The following RGS7 variants were observed in gnomAD, a reference collection of about 807,000 sequenced individuals.
The protein encoded by RGS7 is regulator of G-protein signaling 7.
In RGS7, 27 loss-of-function variants were observed where a neutral mutation model predicts 81.1. That is an observed-to-expected ratio of 0.33 (90% CI 0.25 to 0.46). RGS7 has a LOEUF of 0.46. Among genes scored for constraint, RGS7 ranks in the 20% least tolerant of loss-of-function variants. The probability of loss-of-function intolerance (pLI) is 1.00; values close to 1 mark genes in which losing one functional copy is unlikely to be tolerated. For missense variants in RGS7, 396 were observed against 607.4 expected, an observed-to-expected ratio of 0.65 and a Z score of 3.66; for synonymous variants, 208 against 207.7, an observed-to-expected ratio of 1.00 and a Z score of -0.01.
At chr1:241,342,246 A>T (rs953164269) in intron 2 of RGS7, among the ~76,000 whole-genome samples, 1 of 152,118 alleles carries the variant, frequency 6.6e-6, no homozygotes, top group Non-Finnish European at 1.5e-5. Context: ...AGAAAGAGCG[A>T]ATATCATAAA....
intron 2 of RGS7, among the ~76,000 whole-genome samples, chr1:241,166,240 G>A (rs559570043): frequency 3.9e-4 from 59 of 152,332 alleles, no homozygotes; most frequent in African/African-American, 1.4e-3. Flanking sequence ...AACAGGATGA[G>A]TGGGGAAAAC....
intron 3 of RGS7, among the ~76,000 whole-genome samples, chr1:241,026,148 A>C (rs1211009240): frequency 6.6e-6 from 1 of 152,244 alleles, no homozygotes; most frequent in Admixed American, 6.5e-5. Flanking sequence ...CTGCATGGTC[A>C]GCAACTACAC....
At chr1:241,265,855 C>T (rs909742479) in intron 2 of RGS7, among the ~76,000 whole-genome samples, 8 of 143,396 alleles carry the variant, frequency 5.6e-5, no homozygotes, top group Non-Finnish European at 1.0e-4. Flanking sequence ...AATGCAACGG[C>T]GCAATCTCGG....
At chr1:241,068,257 T>TATATATATATATATATATATATATATA in intron 3 of RGS7, among the ~76,000 whole-genome samples, 1 of 73,278 alleles carries the variant, frequency 1.4e-5, no homozygotes. Context: ...TATATATATA[T>TATATATATATATATATATATATATATA]AAAATATTGT....
chr1:241,190,337 A>AAT (rs915957195), intron 2 of RGS7, among the ~76,000 whole-genome samples: 2 of 152,128 alleles, frequency 1.3e-5, no homozygotes, highest in African/African-American at 4.8e-5. Context: ...TGAATTTTAA[A>AAT]ATAATCTCAA....
intron 2 of RGS7, among the ~76,000 whole-genome samples, chr1:241,177,164 G>A (rs2071215334): frequency 6.6e-6 from 1 of 152,160 alleles, no homozygotes; most frequent in Non-Finnish European, 1.5e-5. Context: ...AAATGTCTGT[G>A]AAAGTAAAAT....
At chr1:240,792,379 T>C (rs943965425) in intron 18 of RGS7, among the ~76,000 whole-genome samples, 24 of 152,182 alleles carry the variant, frequency 1.6e-4, no homozygotes, top group African/African-American at 5.8e-4. Context: ...ATCTCTAGAT[T>C]CTCCTAGCTT....
chr1:241,053,040 C>T (rs913905300), intron 3 of RGS7, among the ~76,000 whole-genome samples: 1 of 152,038 alleles, frequency 6.6e-6, no homozygotes, highest in African/African-American at 2.4e-5. Context: ...AATCCCTTAT[C>T]CTAAAGCAAT....
chr1:241,103,269 G>A (rs574650858), intron 2 of RGS7, among the ~76,000 whole-genome samples: 1 of 152,168 alleles, frequency 6.6e-6, no homozygotes, highest in East Asian at 1.9e-4. Context: ...TCATTAAAAT[G>A]CCATTGAGTT....
chr1:241,297,178 A>G (rs1915865), intron 2 of RGS7, among the ~76,000 whole-genome samples: 110,651 of 151,932 alleles, frequency 0.73, 41,448 homozygotes, highest in East Asian at 0.98. Context: ...CTGTATCCCC[A>G]GAACTTAAAT....
intron 2 of RGS7, among the ~76,000 whole-genome samples, chr1:241,316,136 C>T (rs943875778): frequency 1.3e-5 from 2 of 152,200 alleles, no homozygotes; most frequent in African/African-American, 4.8e-5. Context: ...TGAGCAGACA[C>T]TAGCTGTCCT....
rs530460276 is a variant in RGS7, at chr1:241,179,602, A to G, written c.79-80840T>C. On this transcript the variant is annotated intron_variant, in intron 2 of 18. Transcript: ENST00000440928. ...CATATTTAGTCCCCACAAGCTCATG[A>G]TTAATTACTGCACAGATTCGGATGG... Among the ~76,000 whole-genome samples the G allele has an allele frequency of 2.0e-5, 3 of 152,170 alleles. No homozygotes were observed. In the South Asian group the frequency reaches 6.2e-4, roughly 32 times the overall value.
intron 9 of RGS7, among the ~76,000 whole-genome samples, chr1:240,843,513 GC>G (rs758489697): frequency 1.3e-5 from 2 of 152,106 alleles, no homozygotes; most frequent in Non-Finnish European, 2.9e-5. Flanking sequence ...TGATCCTCCT[GC>G]CTTGGCCTCC....
intron 3 of RGS7, among the ~76,000 whole-genome samples, chr1:241,027,089 G>A (rs1474822568): frequency 6.6e-6 from 1 of 151,160 alleles, no homozygotes; most frequent in Admixed American, 6.6e-5. Context: ...TGTAGTTCCA[G>A]ATGCTCAGGA....
intron 5 of RGS7, 118 bp downstream of exon 5, chr1:240,936,482 G>A (rs1242824170): frequency 5.3e-6 from 4 of 761,752 alleles, no homozygotes; most frequent in Admixed American, 4.1e-5. Flanking sequence ...TTTCTAACTA[G>A]CCTAAGTCAA....
At chr1:241,120,978 T>C (rs2102994791) in intron 2 of RGS7, among the ~76,000 whole-genome samples, 1 of 152,308 alleles carries the variant, frequency 6.6e-6, no homozygotes, top group South Asian at 2.1e-4. Flanking sequence ...CGTACCTATA[T>C]TTAGACCCCA....
chr1:241,108,164 C>T (rs1355072552), intron 2 of RGS7, among the ~76,000 whole-genome samples: 1 of 151,854 alleles, frequency 6.6e-6, no homozygotes, highest in African/African-American at 2.4e-5. Flanking sequence ...AGTAGCTGGG[C>T]GTAGTGACGC....
At chr1:240,944,874 C>T (rs143181757) in intron 4 of RGS7, among the ~76,000 whole-genome samples, 5,153 of 152,266 alleles carry the variant, frequency 0.034, 303 homozygotes, top group African/African-American at 0.12. Context: ...CCACCACGCC[C>T]GGCTAATTTT....
intron 2 of RGS7, among the ~76,000 whole-genome samples, chr1:241,139,792 T>A (rs2067797316): frequency 6.6e-6 from 1 of 152,268 alleles, no homozygotes; most frequent in South Asian, 2.1e-4. Flanking sequence ...TGCTTTCTAA[T>A]AAAGCATTCA....
Sources: gnomAD v4.1 joint callset for allele counts (sites outside exome capture counted in the v4.1 genomes callset) on GRCh38, gnomAD v4.1.1 for gene constraint, MANE v1.5 for transcripts, NCBI Gene and HGNC (gene_info 2026-07-23, HGNC 2026-07-21) for gene names.